The following PIK3AP1 variants were observed in gnomAD, a reference collection of about 807,000 sequenced individuals.
The protein encoded by PIK3AP1 is phosphoinositide 3-kinase adapter protein 1.
Under a neutral mutation model 88.1 loss-of-function variants are expected in PIK3AP1, and 21 were observed. The observed-to-expected ratio is 0.24, with a 90% CI of 0.17 to 0.34. PIK3AP1 has a LOEUF of 0.34. Among genes scored for constraint, PIK3AP1 ranks in the 10% least tolerant of loss-of-function variants. The probability of loss-of-function intolerance (pLI) is 1.00; values close to 1 mark genes in which losing one functional copy is unlikely to be tolerated. For missense variants in PIK3AP1, 828 were observed against 1,035.7 expected (o/e 0.80, Z 2.75); for synonymous variants, 398 against 400.0 (o/e 1.00, Z 0.06).
At chr10:96,684,791 G>A (rs1047731432) in intron 2 of PIK3AP1, among the ~76,000 whole-genome samples, 1 of 152,146 alleles carries the variant, frequency 6.6e-6, no homozygotes, top group Non-Finnish European at 1.5e-5. Flanking sequence ...AGAACCATCA[G>A]CAATGGAAAA....
rs74766476 is a variant in PIK3AP1, at chr10:96,638,784, T to C, written c.1375+6689A>G. Among the ~76,000 whole-genome samples the C allele has an allele frequency of 8.2e-3, 1,242 of 152,288 alleles. 34 individuals are homozygous for C. Among genetic ancestry groups the C allele is most frequent in the Admixed American group, 0.05 (771 of 15,304 alleles). ...GCAGTGTCTTTTTCCTCCACAGCACTGTCACAGTTTGTGGTTATATATTCA... is the reference window on the plus strand; with the variant it reads ...GCAGTGTCTTTTTCCTCCACAGCACCGTCACAGTTTGTGGTTATATATTCA... On this transcript the variant is annotated intron_variant, in intron 8 of 16. Coordinates refer to ENST00000339364, the MANE Select transcript of PIK3AP1 (RefSeq NM_152309.3).
chr10:96,634,799 G>T (rs980860452), intron 8 of PIK3AP1, among the ~76,000 whole-genome samples: 1 of 152,220 alleles, frequency 6.6e-6, no homozygotes, highest in African/African-American at 2.4e-5. Context: ...TGGCTCAGAA[G>T]TCTGAAATAG....
At chr10:96,678,452 T>C (rs1843955598) in intron 2 of PIK3AP1, among the ~76,000 whole-genome samples, 1 of 151,986 alleles carries the variant, frequency 6.6e-6, no homozygotes, top group South Asian at 2.1e-4. Context: ...ATTTTTTTTG[T>C]AAAGGCAGGG....
chr10:96,716,206 T>C (rs1844500356), intron 1 of PIK3AP1, among the ~76,000 whole-genome samples: 3 of 152,022 alleles, frequency 2.0e-5, no homozygotes, highest in African/African-American at 4.8e-5. Context: ...TGTTTGAACC[T>C]GGGAGGCAGA....
rs372170619 is a variant in PIK3AP1 at position 96,700,318 on chromosome 10, A to T, written c.430+9249T>A. Reference sequence around the variant, plus strand: ...AAACTGTAATCCTGGGCGACTCTGAAGGCTCAGGGGAAAATTTCCATGGGC... The same window carrying T: ...AAACTGTAATCCTGGGCGACTCTGATGGCTCAGGGGAAAATTTCCATGGGC... On this transcript the variant is annotated intron_variant, in intron 2 of 16. Transcript: ENST00000339364. Among the ~76,000 whole-genome samples, 300 of 152,198 alleles carry T rather than the reference A, an allele frequency of 2.0e-3. 14 individuals are homozygous for T. In the South Asian group the frequency reaches 0.06, roughly 30 times the overall value.
chr10:96,677,918 T>C (rs993663411), intron 2 of PIK3AP1, among the ~76,000 whole-genome samples: 1 of 152,196 alleles, frequency 6.6e-6, no homozygotes, highest in Non-Finnish European at 1.5e-5. Flanking sequence ...AGAGAAATTG[T>C]GTAGCTTTTA....
At chr10:96,701,621 T>C (rs1844299598) in intron 2 of PIK3AP1, among the ~76,000 whole-genome samples, 1 of 152,142 alleles carries the variant, frequency 6.6e-6, no homozygotes. Context: ...ACTGCAAATG[T>C]AAACGACAGA....
intron 1 of PIK3AP1, among the ~76,000 whole-genome samples, chr10:96,713,503 TAAAAAAA>T (rs566830672): frequency 4.6e-4 from 39 of 84,928 alleles, no homozygotes; most frequent in Middle Eastern, 0.013. Context: ...GACTCCGTCT[TAAAAAAA>T]AAAAAAAAAA....
chr10:96,682,321 C>A (rs1844014302), intron 2 of PIK3AP1, among the ~76,000 whole-genome samples: 1 of 151,798 alleles, frequency 6.6e-6, no homozygotes, highest in Non-Finnish European at 1.5e-5. Flanking sequence ...AGCGGGTACT[C>A]AAAGGATGGG....
At chr10:96,601,565 G>C (rs905828340) in intron 16 of PIK3AP1, among the ~76,000 whole-genome samples, 2 of 151,290 alleles carry the variant, frequency 1.3e-5, no homozygotes, top group African/African-American at 4.9e-5. Context: ...TTGACCCCAG[G>C]TAGGGGGGCT....
chr10:96,696,360 A>C (rs1246468629), intron 2 of PIK3AP1, among the ~76,000 whole-genome samples: 6 of 152,340 alleles, frequency 3.9e-5, no homozygotes, highest in Non-Finnish European at 7.4e-5. Context: ...AAATTTTACC[A>C]AACTGGCTGA....
intron 2 of PIK3AP1, among the ~76,000 whole-genome samples, chr10:96,683,192 G>A (rs931812864): frequency 6.6e-6 from 1 of 152,208 alleles, no homozygotes; most frequent in African/African-American, 2.4e-5. Flanking sequence ...AACAAGGTTG[G>A]ACTGTTCAGT....
intron 13 of PIK3AP1, among the ~76,000 whole-genome samples, chr10:96,611,500 T>C (rs1316528217): frequency 6.6e-6 from 1 of 152,166 alleles, no homozygotes. Flanking sequence ...AGAAGGAATC[T>C]CGCTCTGTCG....
chr10:96,685,120 A>T (rs1360910073), intron 2 of PIK3AP1, among the ~76,000 whole-genome samples: 1 of 152,228 alleles, frequency 6.6e-6, no homozygotes, highest in Non-Finnish European at 1.5e-5. Context: ...AAATATAAAT[A>T]AATATATCTA....
intron 2 of PIK3AP1, among the ~76,000 whole-genome samples, chr10:96,697,836 A>T (rs971836575): frequency 4.6e-5 from 7 of 152,258 alleles, no homozygotes; most frequent in African/African-American, 1.2e-4. Flanking sequence ...GGTAACCACT[A>T]TCAACAGTTT....
At chr10:96,600,071 A>G (rs182262693) in intron 16 of PIK3AP1, among the ~76,000 whole-genome samples, 1 of 152,278 alleles carries the variant, frequency 6.6e-6, no homozygotes, top group African/African-American at 2.4e-5. Context: ...AACTGCTTCC[A>G]AAGTCCTCAC....
At chr10:96,616,234 G>A (rs1362038289) in intron 13 of PIK3AP1, among the ~76,000 whole-genome samples, 4 of 152,276 alleles carry the variant, frequency 2.6e-5, no homozygotes, top group Admixed American at 6.5e-5. Flanking sequence ...TGCAGATGAC[G>A]CCATTGCTCA....
At chr10:96,652,920 T>A (rs1300615581) in intron 3 of PIK3AP1, 78 bp from the exon 4 acceptor site, 4 of 1,494,712 alleles carry the variant, frequency 2.7e-6, no homozygotes, top group Non-Finnish European at 3.6e-6. Context: ...TCTCCCCAGC[T>A]CTCTTGCCCT....
At chr10:96,664,257 G>A (rs576295572) in intron 2 of PIK3AP1, among the ~76,000 whole-genome samples, 2 of 152,244 alleles carry the variant, frequency 1.3e-5, no homozygotes, top group African/African-American at 2.4e-5. Flanking sequence ...TACGGCATGC[G>A]AAGCGAAAAA....
Sources: allele counts gnomAD v4.1 joint callset (sites outside exome capture counted in the v4.1 genomes callset), GRCh38; gene constraint gnomAD v4.1.1; transcripts MANE v1.5; gene names NCBI Gene and HGNC (gene_info 2026-07-23, HGNC 2026-07-21).